ZNF624: variants seen among roughly 807,000 people sequenced by gnomAD.
ZNF624 encodes zinc finger protein 624.
In ZNF624, 43 loss-of-function variants were observed where a neutral mutation model predicts 74.7. That is an observed-to-expected ratio of 0.58 (90% CI 0.45 to 0.74). The LOEUF is 0.74. ZNF624 is among the 30% of genes least tolerant of loss of function. ZNF624 has a pLI of 0.00. For synonymous variants in ZNF624, 331 were observed against 341.3 expected, an observed-to-expected ratio of 0.97 and a Z score of 0.33; for missense variants, 820 against 1,030.0, an observed-to-expected ratio of 0.80 and a Z score of 2.79.
At position 16,622,205 on chromosome 17, in the gene ZNF624, T is replaced by G. The variant is rs929576193; in HGVS notation, c.*83A>C. 4 of 1,082,226 alleles carry G rather than the reference T, an allele frequency of 3.7e-6. No individual in the cohort carries two copies. In the African/African-American group the frequency reaches 6.3e-5, roughly 17 times the overall value. 67.0% of individuals were successfully genotyped at this position (1,082,226 alleles called of 1,614,324 possible). A position where few individuals can be genotyped will look rare whatever the true frequency, so the allele number is the denominator to read the frequency against. On this transcript the variant is annotated 3_prime_UTR_variant, in exon 6 of 6. Transcript: ENST00000311331. ...TGTATACTTTCTGATAAATTCCTAA[T>G]GAAGATTTTCCTATATTCATAAAAT...
intron 3 of ZNF624, among the ~76,000 whole-genome samples, chr17:16,635,066 C>T (rs1174771764): frequency 6.6e-6 from 1 of 152,190 alleles, no homozygotes; most frequent in Non-Finnish European, 1.5e-5. Flanking sequence ...ACGGTTTCCT[C>T]CTTCCCTAGA....
chr17:16,634,867 C>T (rs8075988), intron 3 of ZNF624, 111 bp from the exon 4 acceptor site: 195,569 of 971,454 alleles, frequency 0.2, 21,316 homozygotes, highest in East Asian at 0.36. Flanking sequence ...ACCAAATGAT[C>T]ATGTAGGTCA....
chr17:16,653,159 A>G (rs7221518), intron 1 of ZNF624, among the ~76,000 whole-genome samples: 35,262 of 152,176 alleles, frequency 0.23, 4,532 homozygotes, highest in East Asian at 0.35. Flanking sequence ...AACCAATGCA[A>G]TAATACCATT....
At chr17:16,634,507 G>T in intron 4 of ZNF624, 123 bp downstream of exon 4, 1 of 1,026,080 alleles carries the variant, frequency 9.7e-7, no homozygotes, top group Non-Finnish European at 1.4e-6. Flanking sequence ...GTGAGGAATA[G>T]CATAACCCAA....
chr17:16,629,234 C>G (rs1909150148), intron 5 of ZNF624, among the ~76,000 whole-genome samples: 4 of 140,160 alleles, frequency 2.9e-5, no homozygotes, highest in Admixed American at 1.4e-4. Context: ...CTGTCTCTCT[C>G]TCTTTTTTTT....
At chr17:16,637,971 G>C (rs985094880) in intron 3 of ZNF624, among the ~76,000 whole-genome samples, 37 of 152,032 alleles carry the variant, frequency 2.4e-4, no homozygotes, top group Non-Finnish European at 1.8e-4. Flanking sequence ...CTACTCATCT[G>C]ACAAAGGGCT....
At chr17:16,618,151 C>T (rs1272817735), downstream of ZNF624, among the ~76,000 whole-genome samples, 6 of 152,012 alleles carry the variant, frequency 3.9e-5, no homozygotes, top group Non-Finnish European at 8.8e-5. Context: ...CCAGCCTAGC[C>T]AACATGGGGA....
At chr17:16,634,520 A>G in intron 4 of ZNF624, 110 bp downstream of exon 4, 2 of 1,198,812 alleles carry the variant, frequency 1.7e-6, no homozygotes, top group Non-Finnish European at 2.3e-6. Flanking sequence ...TAACCCAACA[A>G]TGTGCCCCTA....
At chr17:16,634,897 G>A (rs1292519424) in intron 3 of ZNF624, 141 bp from the exon 4 acceptor site, 3 of 684,970 alleles carry the variant, frequency 4.4e-6, no homozygotes, top group Non-Finnish European at 7.0e-6. Context: ...TCCTTTATAG[G>A]ATGTATAAAT....
At chr17:16,617,732 G>A (rs550212367), downstream of ZNF624, 2 of 1,601,970 alleles carry the variant, frequency 1.2e-6, no homozygotes, top group African/African-American at 1.3e-5. Context: ...CGTAAAGGGC[G>A]TCGTCGGTGT....
intron 5 of ZNF624, among the ~76,000 whole-genome samples, chr17:16,627,911 T>C (rs1384051251): frequency 6.6e-6 from 1 of 152,172 alleles, no homozygotes. Context: ...CCTCCTAATA[T>C]TACTATAGAT....
Position 16,620,899 on chromosome 17 carries a change from T to A in ZNF624, c.*1389A>T, listed in dbSNP as rs1308037836. The A allele has an allele frequency of 6.6e-6, 1 of 152,192 alleles. No homozygotes were observed. Among genetic ancestry groups the A allele is most frequent in the Admixed American group, 6.5e-5 (1 of 15,282 alleles). The allele number at this position is 152,192 out of a possible 1,614,324, so 9.4% of individuals were successfully genotyped here. On this transcript the variant is annotated 3_prime_UTR_variant, in exon 6 of 6. Coordinates refer to ENST00000311331, the MANE Select transcript of ZNF624 (RefSeq NM_020787.4). ...CCATCCTTTCATCTCTCTCAAAAGTTCACATAATTACATAATATTACATTT... is the reference window on the plus strand; with the variant it reads ...CCATCCTTTCATCTCTCTCAAAAGTACACATAATTACATAATATTACATTT...
chr17:16,615,985 A>ATATAT (rs1908785578), downstream of ZNF624, among the ~76,000 whole-genome samples: 1 of 106,748 alleles, frequency 9.4e-6, no homozygotes, highest in Non-Finnish European at 1.9e-5. Flanking sequence ...ATATATATAT[A>ATATAT]TATATATATA....
At position 16,623,458 on chromosome 17, in the gene ZNF624, T is replaced by C. The variant is rs1432533640; in HGVS notation, c.1428A>G (p.Glu476=). 1 of 1,613,912 alleles carries C rather than the reference T, an allele frequency of 6.2e-7. No individual in the cohort carries two copies. Among genetic ancestry groups the C allele is most frequent in the African/African-American group, 1.3e-5 (1 of 75,032 alleles). ...AATTACTTCTATAGGCTTTTCCACA[T>C]TCGTTACATCTAAAAGGTTTCTCTC... ...HTGEKPFRCN[E]CGKAYRSNSS... The change falls in exon 6 of 6, where the codon GAA becomes GAG. Residue 476 remains glutamate, a synonymous_variant. Transcript: ENST00000311331. This position sits in a 1 kb window ranked among gnomAD's most constrained non-coding sequence, Gnocchi z 5.3.
the ZNF624 span, among the ~76,000 whole-genome samples, chr17:16,614,619 A>G: frequency 6.6e-6 from 1 of 152,294 alleles, no homozygotes; most frequent in South Asian, 2.1e-4. Context: ...TACCAATCTT[A>G]CACATCTTAC....
downstream of ZNF624, among the ~76,000 whole-genome samples, chr17:16,620,485 A>G (rs1011978180): frequency 3.3e-5 from 5 of 152,218 alleles, no homozygotes; most frequent in African/African-American, 1.2e-4. Flanking sequence ...TCTGGTCTAC[A>G]GCCTGGGCAC....
intron 5 of ZNF624, 39 bp from the exon 6 acceptor site, chr17:16,624,548 T>G (rs781524752): frequency 1.3e-6 from 2 of 1,508,906 alleles, no homozygotes; most frequent in Non-Finnish European, 8.9e-7. Flanking sequence ...ATTCCTTTCC[T>G]AAGCTGGGGC....
intron 3 of ZNF624, among the ~76,000 whole-genome samples, chr17:16,638,627 C>T (rs1000479044): frequency 6.6e-6 from 1 of 152,106 alleles, no homozygotes; most frequent in Admixed American, 6.5e-5. Flanking sequence ...AAACCAAACA[C>T]TGAATGTTCT....
downstream of ZNF624, chr17:16,616,935 G>A (rs1313412728): frequency 2.1e-5 from 32 of 1,557,700 alleles, no homozygotes; most frequent in Admixed American, 5.5e-4. Flanking sequence ...TTGGTGGAGG[G>A]GACACAGAGC....
Sources: allele counts gnomAD v4.1 joint callset (sites outside exome capture counted in the v4.1 genomes callset), GRCh38; gene constraint gnomAD v4.1.1; non-coding constraint Gnocchi (gnomAD v3.1); transcripts MANE v1.5; gene names NCBI Gene and HGNC (gene_info 2026-07-23, HGNC 2026-07-21).